The following DCUN1D4 variants were observed in gnomAD, a reference collection of about 807,000 sequenced individuals.
DCUN1D4 encodes DCN1-like protein 4.
In DCUN1D4, 22 loss-of-function variants were observed where a neutral mutation model predicts 47.9. The ratio of observed to expected loss-of-function variants is 0.46; its 90% CI spans 0.33 to 0.66. The LOEUF (loss-of-function observed/expected upper bound fraction) is 0.66, where lower values mean the gene tolerates loss of function less well. DCUN1D4 is among the 30% of genes least tolerant of loss of function. The pLI, the probability that DCUN1D4 is intolerant of heterozygous loss-of-function variation, is 0.02. For missense variants in DCUN1D4, 301 were observed against 340.8 expected, an observed-to-expected ratio of 0.88 and a Z score of 0.92; for synonymous variants, 121 against 112.2, an observed-to-expected ratio of 1.08 and a Z score of -0.50.
chr4:51,908,243 A>G (rs1214503969), intron 8 of DCUN1D4, among the ~76,000 whole-genome samples: 2 of 152,176 alleles, frequency 1.3e-5, no homozygotes, highest in Admixed American at 6.5e-5. Flanking sequence ...TTCAGTTTGT[A>G]TTATTATTTG....
intron 1 of DCUN1D4, among the ~76,000 whole-genome samples, chr4:51,855,707 AT>A (rs569888126): frequency 7.3e-4 from 111 of 152,146 alleles, no homozygotes; most frequent in Non-Finnish European, 1.3e-3. Context: ...GAGGACTAGA[AT>A]TTTTTTTCTT....
chr4:51,877,588 T>C, intron 4 of DCUN1D4, 175 bp from the exon 5 acceptor site: 1 of 501,788 alleles, frequency 2.0e-6, no homozygotes, highest in Non-Finnish European at 3.6e-6. Context: ...AGTGACTGTG[T>C]TTAAACACTG....
At chr4:51,834,075 TCTCTC>T in the DCUN1D4 span, among the ~76,000 whole-genome samples, 3 of 140,220 alleles carry the variant, frequency 2.1e-5, no homozygotes, top group African/African-American at 5.9e-5. Context: ...TCTCTCTCTC[TCTCTC>T]TCTCTCTTTT....
At chr4:51,904,865 G>A (rs928185199) in intron 8 of DCUN1D4, among the ~76,000 whole-genome samples, 12 of 152,094 alleles carry the variant, frequency 7.9e-5, no homozygotes, top group Non-Finnish European at 1.5e-4. Flanking sequence ...TTAACCAGCA[G>A]TGGACCTTTT....
intron 1 of DCUN1D4, among the ~76,000 whole-genome samples, chr4:51,850,768 G>C (rs999976378): frequency 6.6e-6 from 1 of 152,124 alleles, no homozygotes; most frequent in African/African-American, 2.4e-5. Context: ...GCGTGGGGTG[G>C]GGTGGAGGGT....
intron 1 of DCUN1D4, among the ~76,000 whole-genome samples, chr4:51,849,930 A>T (rs993144614): frequency 1.3e-5 from 2 of 152,092 alleles, no homozygotes; most frequent in Non-Finnish European, 2.9e-5. Flanking sequence ...ATACCTTTTT[A>T]GTCAACATTA....
At chr4:51,843,565 A>G (rs1201671189) in intron 1 of DCUN1D4, 21 of 1,123,656 alleles carry the variant, frequency 1.9e-5, no homozygotes, top group Non-Finnish European at 2.2e-5. Context: ...TGAAGGGCCG[A>G]GATCGGAGTG....
At chr4:51,869,798 T>C (rs531254363) in intron 3 of DCUN1D4, among the ~76,000 whole-genome samples, 2 of 152,286 alleles carry the variant, frequency 1.3e-5, no homozygotes, top group African/African-American at 4.8e-5. Context: ...TGAAAAAATG[T>C]TGGCAGTATT....
chr4:51,837,454 T>A, the DCUN1D4 span, among the ~76,000 whole-genome samples: 2 of 150,106 alleles, frequency 1.3e-5, no homozygotes, highest in Admixed American at 6.6e-5. Context: ...GATCACGAGG[T>A]CAGGAGATCG....
chr4:51,887,074 T>C (rs1242503849), intron 6 of DCUN1D4: 1 of 452,212 alleles, frequency 2.2e-6, no homozygotes, highest in Non-Finnish European at 4.4e-6. Flanking sequence ...ATAGATCGTT[T>C]ACTTCCAATT....
At position 51,859,638 on chromosome 4, in the gene DCUN1D4, C is replaced by CAAAAAAA. The variant is rs35981680; in HGVS notation, c.26-3778_26-3772dup. 4.3e-4 allele frequency among the ~76,000 whole-genome samples: 17 copies of CAAAAAAA among 39,494 alleles called. 1 individual carries two copies. Among genetic ancestry groups the CAAAAAAA allele is most frequent in the Non-Finnish European group, 5.8e-4 (14 of 24,120 alleles). 25.9% of individuals were successfully genotyped at this position (39,494 alleles called of 152,430 possible). On this transcript the variant is annotated intron_variant, in intron 1 of 10. Coordinates refer to ENST00000334635, the MANE Select transcript of DCUN1D4 (RefSeq NM_001040402.3). The stretch of plus-strand genomic sequence containing the variant: ...CACAGCAAATGGTAGTTAAAACAAG[C>CAAAAAAA]AAAAAAAAAAAAAAAAAAAAAAAAA...
At chr4:51,900,002 G>A (rs75815827) in intron 8 of DCUN1D4, among the ~76,000 whole-genome samples, 253 of 152,246 alleles carry the variant, frequency 1.7e-3, no homozygotes, top group African/African-American at 6.0e-3. Context: ...GCACCAGTTG[G>A]CATCATACTC....
intron 5 of DCUN1D4, among the ~76,000 whole-genome samples, chr4:51,880,159 AACC>A (rs1470017957): frequency 5.9e-5 from 9 of 152,220 alleles, no homozygotes; most frequent in African/African-American, 2.2e-4. Flanking sequence ...TGTGTATCTC[AACC>A]ACATAAACTG....
rs1734173925 is a variant in DCUN1D4, at chr4:51,914,845, C to A, written c.*1261C>A. ...TGTCTTTTTTTTTTTTTTTTTTTGC[C>A]ATTCTTGAGGAAATATAGAGATGAC... On this transcript the variant is annotated 3_prime_UTR_variant, in exon 11 of 11. Transcript: ENST00000334635. 1 of 128,178 alleles carries A rather than the reference C, an allele frequency of 7.8e-6. No individual in the cohort carries two copies. The highest frequency in any genetic ancestry group is 2.9e-5 in the African/African-American group (1 of 34,456). 7.9% of individuals were successfully genotyped at this position (128,178 alleles called of 1,614,324 possible).
chr4:51,897,100 C>G (rs1161717315), intron 7 of DCUN1D4, among the ~76,000 whole-genome samples: 1 of 152,126 alleles, frequency 6.6e-6, no homozygotes, highest in Non-Finnish European at 1.5e-5. Context: ...TATCTAGTTC[C>G]TGCTTATCTC....
In DCUN1D4 at chr4:51,843,159, G is replaced by A; in HGVS notation, c.-84G>A. 1 of 1,523,324 alleles carries A rather than the reference G, an allele frequency of 6.6e-7. No homozygotes were observed. The highest frequency in any genetic ancestry group is 8.8e-7 in the Non-Finnish European group (1 of 1,135,886). The allele number at this position is 1,523,324 out of a possible 1,614,324, so 94.4% of individuals were successfully genotyped here. A position where few individuals can be genotyped will look rare whatever the true frequency, so the allele number is the denominator to read the frequency against. On this transcript the variant is annotated 5_prime_UTR_variant, in exon 1 of 11. Coordinates refer to ENST00000334635, the MANE Select transcript of DCUN1D4 (RefSeq NM_001040402.3). ...TGCCCGGCGGCGGGTCCTCAGCTTC[G>A]AGCCGAGGTGCAGTGAGCTGGTGGG...
intron 3 of DCUN1D4, among the ~76,000 whole-genome samples, chr4:51,868,817 G>A (rs1442789887): frequency 1.3e-5 from 2 of 152,278 alleles, no homozygotes; most frequent in East Asian, 3.9e-4. Context: ...AAATAGGAGT[G>A]AATTTTAAAG....
chr4:51,872,024 AAG>A (rs1044332860), intron 3 of DCUN1D4, among the ~76,000 whole-genome samples: 38 of 152,274 alleles, frequency 2.5e-4, no homozygotes, highest in African/African-American at 8.4e-4. Flanking sequence ...CTTGGAAGGA[AAG>A]AGCCTGGTTG....
At chr4:51,883,414 G>A (rs186290710) in intron 5 of DCUN1D4, among the ~76,000 whole-genome samples, 124 of 152,276 alleles carry the variant, frequency 8.1e-4, no homozygotes, top group South Asian at 4.1e-3. Flanking sequence ...GATGTGTAGT[G>A]TGTCTAATAC....
Sources: allele counts gnomAD v4.1 joint callset (sites outside exome capture counted in the v4.1 genomes callset), GRCh38; gene constraint gnomAD v4.1.1; transcripts MANE v1.5; gene names NCBI Gene and HGNC (gene_info 2026-07-23, HGNC 2026-07-21).